Variants in METTL17 observed in about 807,000 individuals in gnomAD.
METTL17 encodes methyltransferase like 17.
METTL17 carries 49 observed loss-of-function variants against 59.4 expected under a neutral mutation model. The observed-to-expected ratio is 0.82, with a 90% CI of 0.66 to 1.05. The LOEUF is 1.05. Among genes scored for constraint, METTL17 ranks in the 50% least tolerant of loss-of-function variants. The pLI, the probability that METTL17 is intolerant of heterozygous loss-of-function variation, is 0.00. For synonymous variants in METTL17, 208 were observed against 209.2 expected, an observed-to-expected ratio of 0.99 and a Z score of 0.05; for missense variants, 555 against 578.4, an observed-to-expected ratio of 0.96 and a Z score of 0.41.
rs756939883 is a variant in METTL17 at position 20,990,380 on chromosome 14, C to T, written c.226C>T (p.Leu76Phe). ...ALANGAQLLL[L>F]GSAGPTMENQ... ...GGCTAACGGTGCCCAGTTATTGCTA[C>T]TTGGTGAGTAACGGCGGGAAAGCGA... is the stretch of plus-strand genomic sequence containing the variant. The change falls in exon 2 of 14, where the codon CTT becomes TTT. Residue 76 changes from leucine (L) to phenylalanine (F), a missense_variant. Physicochemically the swap from Leu to Phe is conservative, Grantham distance 22. Transcript: ENST00000339374. The T allele has an allele frequency of 1.2e-6, 2 of 1,613,926 alleles. No individual in the cohort carries two copies. Among genetic ancestry groups the T allele is most frequent in the Non-Finnish European group, 1.7e-6 (2 of 1,179,826 alleles).
chr14:20,991,161 T>C (rs930066145), intron 3 of METTL17, among the ~76,000 whole-genome samples: 3 of 152,158 alleles, frequency 2.0e-5, no homozygotes, highest in Admixed American at 2.0e-4. Flanking sequence ...ATATTTATTT[T>C]TTTCTGCAAG....
chr14:20,996,011 T>G (rs377265875), intron 11 of METTL17, 60 bp downstream of exon 11: 1 of 1,571,712 alleles, frequency 6.4e-7, no homozygotes, highest in African/African-American at 1.4e-5. Flanking sequence ...GGCCGGGAAA[T>G]GTAAGATGGT....
rs1275895044 is a variant in METTL17, at chr14:20,992,847, A to C, written c.528+225A>C. On this transcript the variant is annotated intron_variant, in intron 5 of 13. Coordinates refer to ENST00000339374, the MANE Select transcript of METTL17 (RefSeq NM_022734.3). ...GAGGCTGCAGTGAGCTGTGATCTCC[A>C]CTGTACTCCAGCCTGGTGACAGAGT... 3 of 605,196 alleles carry C rather than the reference A, an allele frequency of 5.0e-6. No homozygotes were observed. The African/African-American group carries it at 5.6e-5, about 11-fold the overall frequency. The allele number at this position is 605,196 out of a possible 1,614,324, so 37.5% of individuals were successfully genotyped here. A position where few individuals can be genotyped will look rare whatever the true frequency, so the allele number is the denominator to read the frequency against.
intron 10 of METTL17, among the ~76,000 whole-genome samples, chr14:20,995,446 T>G (rs574293586): frequency 6.6e-6 from 1 of 152,358 alleles, no homozygotes; most frequent in African/African-American, 2.4e-5. Context: ...TGCTTATTTG[T>G]GCCTCTGTTG....
At position 20,996,930 on chromosome 14, in the gene METTL17, C is replaced by T. The variant is rs547766899; in HGVS notation, c.*40C>T. The T allele has an allele frequency of 1.9e-6, 3 of 1,572,200 alleles. No individual in the cohort carries two copies. The highest frequency in any genetic ancestry group is 1.1e-5 in the South Asian group (1 of 87,702). ...AAGTATTTTCTTCTATCGTGCCTGC[C>T]AGGGCTGAAGCTGCCTGGTATCCAG... On this transcript the variant is annotated 3_prime_UTR_variant, in exon 14 of 14. Transcript: ENST00000339374.
intron 5 of METTL17, 80 bp from the exon 6 acceptor site, chr14:20,993,038 A>G: frequency 1.7e-6 from 2 of 1,205,456 alleles, no homozygotes; most frequent in Non-Finnish European, 2.5e-6. Flanking sequence ...ATCCTCTGTG[A>G]TAGCCTCCTA....
At chr14:20,991,109 TG>T (rs1288581578) in intron 3 of METTL17, among the ~76,000 whole-genome samples, 3 of 152,176 alleles carry the variant, frequency 2.0e-5, no homozygotes, top group Admixed American at 2.0e-4. Context: ...ATTACAGGCA[TG>T]AACCACCGCG....
chr14:20,993,540 A>G (rs1030770621), intron 6 of METTL17: 1 of 260,336 alleles, frequency 3.8e-6, no homozygotes, highest in South Asian at 6.0e-5. Context: ...CAGTGGCACA[A>G]TCTCGGCTCA....
At chr14:20,995,832 G>A (rs1880335488) in intron 10 of METTL17, 69 bp from the exon 11 acceptor site, 2 of 1,284,042 alleles carry the variant, frequency 1.6e-6, no homozygotes, top group Non-Finnish European at 2.3e-6. Flanking sequence ...AGTTTACTGA[G>A]TGCAGAGATT....
At chr14:20,993,778 T>C (rs1220567778) in intron 6 of METTL17, 191 bp from the exon 7 acceptor site, 7 of 418,816 alleles carry the variant, frequency 1.7e-5, no homozygotes, top group Non-Finnish European at 2.1e-5. Context: ...CAGCTGAGTC[T>C]ACCTTTTTTT....
Position 20,992,580 on chromosome 14 carries a change from A to T in METTL17, c.486A>T (p.Arg162Ser), listed in dbSNP as rs146111157. 5 of 1,614,156 alleles carry T rather than the reference A, an allele frequency of 3.1e-6. No homozygotes were observed. In the African/African-American group the frequency reaches 6.7e-5, roughly 22 times the overall value. ...EGLSLVYMAA[R>S]LDGGFAAVSR... ...TGAGCCTGGTGTATATGGCAGCAAG[A>T]CTGGATGGTGGCTTTGCAGCAGTCT... is the stretch of plus-strand genomic sequence containing the variant. The change falls in exon 5 of 14, where the codon AGA becomes AGT. Residue 162 changes from arginine to serine, a missense_variant. Transcript: ENST00000339374.
chr14:20,994,516 C>T, intron 7 of METTL17, 27 bp from the exon 8 acceptor site: 3 of 1,599,514 alleles, frequency 1.9e-6, no homozygotes, highest in Non-Finnish European at 2.6e-6. Flanking sequence ...CCTACACACT[C>T]ACAGTTGCCT....
intron 3 of METTL17, chr14:20,991,623 C>T (rs996742428): frequency 1.5e-4 from 25 of 169,836 alleles, no homozygotes; most frequent in African/African-American, 5.8e-4. Context: ...CTCTGCCTCC[C>T]GGTTTCAAGT....
chr14:20,992,481 A>C lies in METTL17; in HGVS notation c.447-60A>C. The C allele has an allele frequency of 2.3e-6, 3 of 1,326,924 alleles. No individual in the cohort carries two copies. The South Asian group carries it at 3.6e-5, about 16-fold the overall frequency. 82.2% of individuals were successfully genotyped at this position (1,326,924 alleles called of 1,614,324 possible). On this transcript the variant is annotated intron_variant, in intron 4 of 13. Transcript: ENST00000339374. Reference sequence around the variant, plus strand: ...CAAGATGTCATTTTCTAAATCTAGAAGGTAATTATGGGATTAAGGTTATTT... The same window carrying C: ...CAAGATGTCATTTTCTAAATCTAGACGGTAATTATGGGATTAAGGTTATTT...
rs775591312 is a variant in METTL17, at chr14:20,995,927, T to C, written c.972T>C (p.Pro324=). The C allele has an allele frequency of 6.2e-7, 1 of 1,614,192 alleles. No homozygotes were observed. Among genetic ancestry groups the C allele is most frequent in the South Asian group, 1.1e-5 (1 of 91,086 alleles). Reference sequence around the variant, plus strand: ...GAAAAGAGAAGTCACCTTTGGACCCTCGACCTGGTTTTGTCTTTGCCCCGG... The same window carrying C: ...GAAAAGAGAAGTCACCTTTGGACCCCCGACCTGGTTTTGTCTTTGCCCCGG... The part of the protein sequence containing the change: ...LKGKEKSPLD[P]RPGFVFAPCP... Residue 324 remains proline (P), a synonymous_variant, in exon 11 of 14, where the codon CCT becomes CCC. Transcript: ENST00000339374.
At chr14:20,992,904 A>G in intron 5 of METTL17, 1 of 606,366 alleles carries the variant, frequency 1.6e-6, no homozygotes, top group East Asian at 2.7e-5. Context: ...AACACAAAAT[A>G]AAGACGTTCT....
Position 20,996,765 on chromosome 14 carries a change from G to A in METTL17, c.1266-20G>A, listed in dbSNP as rs779954699. ...GATGTGGCAGGAAGCTGCAGCCCAC[G>A]CCAGCATCTGTTTCCACAGGGATTT... On this transcript the variant is annotated intron_variant, in intron 13 of 13. Coordinates refer to ENST00000339374, the MANE Select transcript of METTL17 (RefSeq NM_022734.3). The A allele has an allele frequency of 7.4e-6, 12 of 1,614,054 alleles. No individual in the cohort carries two copies. Among genetic ancestry groups the A allele is most frequent in the East Asian group, 4.5e-5 (2 of 44,890 alleles).
At chr14:20,991,009 G>A (rs1294096142) in intron 3 of METTL17, among the ~76,000 whole-genome samples, 2 of 152,054 alleles carry the variant, frequency 1.3e-5, no homozygotes, top group African/African-American at 4.8e-5. Flanking sequence ...TGTATTTTTA[G>A]TAGAGACGGG....
At chr14:20,991,372 G>A (rs1012141809) in intron 3 of METTL17, among the ~76,000 whole-genome samples, 3 of 152,092 alleles carry the variant, frequency 2.0e-5, no homozygotes, top group African/African-American at 7.2e-5. Flanking sequence ...GCTCACAGTA[G>A]TTCAGTAGAT....
Sources: allele counts gnomAD v4.1 joint callset (sites outside exome capture counted in the v4.1 genomes callset), GRCh38; gene constraint gnomAD v4.1.1; transcripts MANE v1.5; gene names NCBI Gene and HGNC (gene_info 2026-07-23, HGNC 2026-07-21).